Variants in MALRD1 observed in about 807,000 individuals in gnomAD.
The protein encoded by MALRD1 is MAM and LDL receptor class A domain containing 1.
In MALRD1, 247 loss-of-function variants were observed where a neutral mutation model predicts 242.1. That is an observed-to-expected ratio of 1.02 (90% CI 0.92 to 1.13). The LOEUF (loss-of-function observed/expected upper bound fraction) is 1.13. MALRD1 is among the 50% of genes most tolerant of loss of function. The probability of loss-of-function intolerance (pLI) is 0.00; values close to 1 mark genes in which losing one functional copy is unlikely to be tolerated. For synonymous variants in MALRD1, 995 were observed against 866.6 expected (o/e 1.15, Z -2.60); for missense variants, 2,989 against 2,533.1 (o/e 1.18, Z -3.86).
intron 12 of MALRD1, among the ~76,000 whole-genome samples, chr10:19,158,884 G>T (rs1184210515): frequency 6.6e-6 from 1 of 152,130 alleles, no homozygotes; most frequent in African/African-American, 2.4e-5. Flanking sequence ...ACAATGAACT[G>T]GAGTCAAAGA....
At chr10:19,280,734 A>T (rs2499069) in intron 20 of MALRD1, among the ~76,000 whole-genome samples, 36,335 of 152,132 alleles carry the variant, frequency 0.24, 4,586 homozygotes, top group Non-Finnish European at 0.28. Flanking sequence ...ATTCAATGGT[A>T]CCTGCCAATT....
rs1564408087 is a variant in MALRD1 at position 19,125,360 on chromosome 10, T to TCTTTC, written c.943+691_943+695dup. 5.1e-4 allele frequency among the ~76,000 whole-genome samples: 60 copies of TCTTTC among 116,916 alleles called. 1 individual carries two copies. The highest frequency in any genetic ancestry group is 9.8e-4 in the South Asian group (3 of 3,070). 76.7% of individuals were successfully genotyped at this position (116,916 alleles called of 152,430 possible). On this transcript the variant is annotated intron_variant, in intron 7 of 39. Transcript: ENST00000454679. ...TTCTTTCTTTCTTTCTTTCTTTCTTTCTTTCTTTCTTTCTTTCTTTCCTTC... is the reference window on the plus strand; with the variant it reads ...TTCTTTCTTTCTTTCTTTCTTTCTTTCTTTCCTTTCTTTCTTTCTTTCTTTCCTTC...
intron 12 of MALRD1, among the ~76,000 whole-genome samples, chr10:19,159,159 G>C (rs1429337195): frequency 6.6e-6 from 1 of 152,066 alleles, no homozygotes; most frequent in East Asian, 1.9e-4. Context: ...TTCAGGAAAA[G>C]AATGCCCAGG....
chr10:19,508,397 TA>T (rs1833241017), intron 31 of MALRD1, among the ~76,000 whole-genome samples: 1 of 152,240 alleles, frequency 6.6e-6, no homozygotes, highest in African/African-American at 2.4e-5. Flanking sequence ...CACTGTGATG[TA>T]AAACATGATG....
intron 36 of MALRD1, among the ~76,000 whole-genome samples, chr10:19,667,108 C>T (rs1270454099): frequency 6.6e-6 from 1 of 152,084 alleles, no homozygotes; most frequent in Non-Finnish European, 1.5e-5. Flanking sequence ...AGGCCCCACC[C>T]CCAGCACTGC....
At chr10:19,377,711 A>G (rs1315614200) in intron 26 of MALRD1, among the ~76,000 whole-genome samples, 1 of 152,082 alleles carries the variant, frequency 6.6e-6, no homozygotes, top group Non-Finnish European at 1.5e-5. Context: ...CAATGAACAT[A>G]CACATTAAAG....
intron 12 of MALRD1, among the ~76,000 whole-genome samples, chr10:19,157,830 A>G (rs1432000828): frequency 6.6e-6 from 1 of 152,154 alleles, no homozygotes; most frequent in Non-Finnish European, 1.5e-5. Context: ...TTTTTTTGAA[A>G]GGACTTTAAA....
intron 19 of MALRD1, among the ~76,000 whole-genome samples, chr10:19,260,907 A>G (rs1176077374): frequency 1.3e-5 from 2 of 152,160 alleles, no homozygotes; most frequent in African/African-American, 4.8e-5. Flanking sequence ...AGAGGCTACA[A>G]TCTCCAGTTT....
intron 28 of MALRD1, among the ~76,000 whole-genome samples, chr10:19,435,828 C>T (rs1192962873): frequency 2.0e-5 from 3 of 152,112 alleles, no homozygotes; most frequent in African/African-American, 7.2e-5. Flanking sequence ...CATGGTCCAC[C>T]TCCGTAAGGG....
At chr10:19,242,352 T>G (rs573735232) in intron 18 of MALRD1, among the ~76,000 whole-genome samples, 1 of 152,228 alleles carries the variant, frequency 6.6e-6, no homozygotes, top group East Asian at 1.9e-4. Context: ...GTATGAATTA[T>G]GGGAGCTATA....
At chr10:19,516,799 T>C (rs1833653532) in intron 31 of MALRD1, among the ~76,000 whole-genome samples, 1 of 150,770 alleles carries the variant, frequency 6.6e-6, no homozygotes, top group South Asian at 2.1e-4. Context: ...TCCTTCTCCT[T>C]CATCATTATC....
intron 18 of MALRD1, among the ~76,000 whole-genome samples, chr10:19,213,510 G>A (rs530679160): frequency 1.3e-5 from 2 of 152,252 alleles, no homozygotes; most frequent in South Asian, 4.1e-4. Flanking sequence ...GAGATTACAG[G>A]CGTGAGCCAC....
chr10:19,659,977 C>T (rs909832847), intron 36 of MALRD1, among the ~76,000 whole-genome samples: 16 of 152,132 alleles, frequency 1.1e-4, no homozygotes, highest in Admixed American at 5.2e-4. Flanking sequence ...CTAACTGCAT[C>T]CCCCTTTACA....
At chr10:19,638,421 A>G (rs1306751068) in intron 36 of MALRD1, among the ~76,000 whole-genome samples, 3 of 152,208 alleles carry the variant, frequency 2.0e-5, no homozygotes, top group Non-Finnish European at 4.4e-5. Flanking sequence ...GTGATACTGC[A>G]TTAAGGGAGT....
At chr10:19,116,699 G>T (rs1048687802) in intron 5 of MALRD1, among the ~76,000 whole-genome samples, 1 of 152,158 alleles carries the variant, frequency 6.6e-6, no homozygotes, top group African/African-American at 2.4e-5. Context: ...TGAAATGGTT[G>T]GCAAAGCCTT....
chr10:19,489,423 T>C (rs1375698144), intron 29 of MALRD1: 2 of 573,418 alleles, frequency 3.5e-6, no homozygotes, highest in Non-Finnish European at 6.7e-6. Flanking sequence ...CCATGTCTTA[T>C]CAGTGGTCCC....
Position 19,165,626 on chromosome 10 carries a change from GT to G in MALRD1, c.1657-7del, listed in dbSNP as rs1834656261. On this transcript the variant is annotated splice_polypyrimidine_tract_variant and intron_variant, in intron 12 of 39. Coordinates refer to ENST00000454679, the MANE Select transcript of MALRD1 (RefSeq NM_001142308.3). ...GGAATATTTATATCATTGAAAACAT[GT>G]TTTCAACAGGTGCAGTTTTGGTATC... The G allele has an allele frequency of 8.1e-7, 1 of 1,230,410 alleles. No homozygotes were observed. The highest frequency in any genetic ancestry group is 1.6e-5 in the African/African-American group (1 of 64,366). The allele number at this position is 1,230,410 out of a possible 1,614,324, so 76.2% of individuals were successfully genotyped here.
At chr10:19,383,358 CAT>C (rs942303246) in intron 26 of MALRD1, among the ~76,000 whole-genome samples, 5 of 152,108 alleles carry the variant, frequency 3.3e-5, no homozygotes, top group African/African-American at 1.2e-4. Context: ...CAGCTCCACC[CAT>C]GTTTCTGCAA....
chr10:19,600,243 G>T (rs529491026), intron 34 of MALRD1, among the ~76,000 whole-genome samples: 1 of 152,150 alleles, frequency 6.6e-6, no homozygotes, highest in South Asian at 2.1e-4. Context: ...GAACAACAGT[G>T]TAAAGATTAT....
Sources: gnomAD v4.1 joint callset for allele counts (sites outside exome capture counted in the v4.1 genomes callset) on GRCh38, gnomAD v4.1.1 for gene constraint, MANE v1.5 for transcripts, NCBI Gene and HGNC (gene_info 2026-07-23, HGNC 2026-07-21) for gene names.